The following CSMD1 variants were observed in gnomAD, a reference collection of about 807,000 sequenced individuals.
The protein encoded by CSMD1 is CUB and Sushi multiple domains 1.
Under a neutral mutation model 417.5 loss-of-function variants are expected in CSMD1, and 213 were observed. The observed-to-expected ratio is 0.51, with a 90% CI of 0.46 to 0.57. The LOEUF is 0.57. Ranked by LOEUF, CSMD1 falls within the 20% of genes least tolerant of loss-of-function variation. The probability of loss-of-function intolerance (pLI) is 0.00; values close to 1 mark genes in which losing one functional copy is unlikely to be tolerated. For missense variants in CSMD1, 6,923 were observed against 4,529.7 expected (o/e 1.53, Z -15.17); for synonymous variants, 2,862 against 1,736.8 (o/e 1.65, Z -16.11).
At chr8:3,760,971 T>TG (rs386360320) in intron 5 of CSMD1, among the ~76,000 whole-genome samples, 161 of 151,832 alleles carry the variant, frequency 1.1e-3, no homozygotes, top group African/African-American at 3.1e-3. Context: ...CTTTTTTTTT[T>TG]GCATTTTCTG....
At chr8:4,133,713 T>TA (rs56343678) in intron 3 of CSMD1, among the ~76,000 whole-genome samples, 146,343 of 152,166 alleles carry the variant, frequency 0.96, 70,623 homozygotes, top group South Asian at 1. Context: ...TAAAGTGTAA[T>TA]CTCAAGACTG....
At chr8:3,628,091 G>A in intron 7 of CSMD1, among the ~76,000 whole-genome samples, 1 of 152,160 alleles carries the variant, frequency 6.6e-6, no homozygotes. Context: ...TTAAATAAAA[G>A]AAACATAGAA....
At chr8:4,238,952 G>A (rs1379667733) in intron 3 of CSMD1, among the ~76,000 whole-genome samples, 2 of 152,166 alleles carry the variant, frequency 1.3e-5, no homozygotes, top group South Asian at 2.1e-4. Context: ...CTGTTCTTCT[G>A]TAGAGAGTAG....
intron 3 of CSMD1, among the ~76,000 whole-genome samples, chr8:4,335,460 G>C (rs896181794): frequency 6.6e-6 from 1 of 152,006 alleles, no homozygotes; most frequent in Admixed American, 6.6e-5. Flanking sequence ...ATTTAAATCA[G>C]GGAATTTATA....
intron 5 of CSMD1, among the ~76,000 whole-genome samples, chr8:3,820,078 T>C (rs1801640861): frequency 6.6e-6 from 1 of 152,194 alleles, no homozygotes; most frequent in African/African-American, 2.4e-5. Context: ...AGACGCTCAG[T>C]GATTCTGCAT....
At position 3,418,254 on chromosome 8, in the gene CSMD1, C is replaced by T. The variant is rs183804996; in HGVS notation, c.1562-8649G>A. On this transcript the variant is annotated intron_variant, in intron 12 of 69. Transcript: ENST00000635120. ...TGTGAAATGCTGGACTCTGGAAATT[C>T]GGGCTATAAGTAACCACAGAAATGA... Among the ~76,000 whole-genome samples, 64 of 152,222 alleles carry T rather than the reference C, an allele frequency of 4.2e-4. 2 individuals carry two copies. Among genetic ancestry groups the T allele is most frequent in the African/African-American group, 1.4e-3 (58 of 41,540 alleles).
intron 3 of CSMD1, among the ~76,000 whole-genome samples, chr8:4,117,974 A>G (rs1802256670): frequency 6.6e-6 from 1 of 151,072 alleles, no homozygotes; most frequent in Non-Finnish European, 1.5e-5. Context: ...AGCAGTGTAC[A>G]AAGGACAAGA....
chr8:3,369,171 C>T (rs527642654), intron 19 of CSMD1, 83 bp downstream of exon 19: 3 of 660,520 alleles, frequency 4.5e-6, no homozygotes, highest in Non-Finnish European at 8.2e-6. Flanking sequence ...CACTTGTTTA[C>T]ACCGTAATAT....
At chr8:4,535,495 C>T (rs1321300247) in intron 2 of CSMD1, among the ~76,000 whole-genome samples, 1 of 152,106 alleles carries the variant, frequency 6.6e-6, no homozygotes, top group Non-Finnish European at 1.5e-5. Flanking sequence ...GTGTTTCAAT[C>T]CATTGCCATT....
At chr8:4,434,567 G>T (rs910870816) in intron 2 of CSMD1, among the ~76,000 whole-genome samples, 2 of 152,122 alleles carry the variant, frequency 1.3e-5, no homozygotes. Flanking sequence ...ACACAATAGA[G>T]GAGGAGGAAG....
At chr8:4,440,535 A>T (rs732467) in intron 2 of CSMD1, among the ~76,000 whole-genome samples, 20 of 152,164 alleles carry the variant, frequency 1.3e-4, no homozygotes, top group East Asian at 3.9e-4. Flanking sequence ...ATGTACAGAT[A>T]ACATTGCTGA....
intron 3 of CSMD1, among the ~76,000 whole-genome samples, chr8:4,207,589 G>C (rs773611332): frequency 6.6e-6 from 1 of 152,034 alleles, no homozygotes. Flanking sequence ...GAAATATTAG[G>C]TTTAATATTC....
At chr8:3,504,422 T>C (rs1162637366) in intron 10 of CSMD1, among the ~76,000 whole-genome samples, 2 of 152,196 alleles carry the variant, frequency 1.3e-5, no homozygotes, top group East Asian at 3.9e-4. Flanking sequence ...GATTCAAGAA[T>C]GCAGTGCAAG....
Position 3,957,885 on chromosome 8 carries a change from G to A in CSMD1, c.818+40018C>T, listed in dbSNP as rs138816856. Among the ~76,000 whole-genome samples, 911 of 152,296 alleles carry A rather than the reference G, an allele frequency of 6.0e-3. 9 individuals are homozygous for A. Among genetic ancestry groups the A allele is most frequent in the African/African-American group, 0.02 (835 of 41,572 alleles). Reference sequence around the variant, plus strand: ...CATTTGGAGCCGATGTGGGGCTATCGCTGTATAATAATCTCCTTTGTTTGG... The same window carrying A: ...CATTTGGAGCCGATGTGGGGCTATCACTGTATAATAATCTCCTTTGTTTGG... On this transcript the variant is annotated intron_variant, in intron 5 of 69. Transcript: ENST00000635120.
chr8:4,775,741 T>G (rs2117166492), intron 1 of CSMD1, among the ~76,000 whole-genome samples: 1 of 152,304 alleles, frequency 6.6e-6, no homozygotes, highest in South Asian at 2.1e-4. Context: ...CCAGAATGTG[T>G]CCTGCCATCC....
Position 4,042,309 on chromosome 8 carries a change from C to T in CSMD1, c.416-10210G>A, listed in dbSNP as rs201263097. On this transcript the variant is annotated intron_variant, in intron 3 of 69. Coordinates refer to ENST00000635120, the MANE Select transcript of CSMD1 (RefSeq NM_033225.6). ...TACTAGTGGGGGTAGGAGTAATGTT[C>T]TGTGTAGAGAGACAAAGATAAAGGG... Among the ~76,000 whole-genome samples the T allele has an allele frequency of 2.6e-5, 4 of 152,208 alleles. No individual in the cohort carries two copies. The East Asian group carries it at 5.8e-4, about 22-fold the overall frequency.
intron 18 of CSMD1, 59 bp downstream of exon 18, chr8:3,387,435 G>C: frequency 1.4e-6 from 2 of 1,407,848 alleles, no homozygotes; most frequent in African/African-American, 1.4e-5. Flanking sequence ...CAGCTAGTTA[G>C]ACGTGTGCGC....
chr8:2,977,293 T>C (rs1454367750), intron 55 of CSMD1, among the ~76,000 whole-genome samples: 2 of 152,132 alleles, frequency 1.3e-5, no homozygotes, highest in African/African-American at 2.4e-5. Context: ...TCAGTGAGTG[T>C]TGGTCCTCTC....
intron 1 of CSMD1, among the ~76,000 whole-genome samples, chr8:4,993,042 G>A (rs1017755748): frequency 6.6e-6 from 1 of 152,340 alleles, no homozygotes; most frequent in African/African-American, 2.4e-5. Context: ...TCTCCAGGCA[G>A]ATCTGGAGTT....
Sources: gnomAD v4.1 joint callset for allele counts (sites outside exome capture counted in the v4.1 genomes callset) on GRCh38, gnomAD v4.1.1 for gene constraint, MANE v1.5 for transcripts, NCBI Gene and HGNC (gene_info 2026-07-23, HGNC 2026-07-21) for gene names.